The following DMXL1 variants were observed in gnomAD, a reference collection of about 807,000 sequenced individuals.
The protein encoded by DMXL1 is dmX-like protein 1.
A neutral mutation model predicts 319.2 loss-of-function variants in DMXL1; 99 were observed. That is an observed-to-expected ratio of 0.31 (90% CI 0.26 to 0.37). DMXL1 has a LOEUF of 0.37. Among genes scored for constraint, DMXL1 ranks in the 10% least tolerant of loss-of-function variants. The probability of loss-of-function intolerance (pLI) is 1.00; values close to 1 mark genes in which losing one functional copy is unlikely to be tolerated. For missense variants in DMXL1, 3,745 were observed against 3,595.6 expected (o/e 1.04, Z -1.06); for synonymous variants, 1,385 against 1,235.2 (o/e 1.12, Z -2.54).
rs936209341 is a variant in DMXL1 at position 119,155,840 on chromosome 5, A to C, written c.4702+3804A>C. The stretch of plus-strand genomic sequence containing the variant: ...AGACCCTGTCTCAAAAAAAAAAAAA[A>C]AAAACAAAACTTCAGCAGATGAGGA... On this transcript the variant is annotated intron_variant, in intron 19 of 43. Transcript: ENST00000539542. Among the ~76,000 whole-genome samples the C allele has an allele frequency of 1.8e-4, 27 of 151,868 alleles. 1 individual carries two copies. Among genetic ancestry groups the C allele is most frequent in the Non-Finnish European group, 3.1e-4 (21 of 67,972 alleles).
chr5:119,137,747 A>C (rs1282317967), intron 13 of DMXL1, among the ~76,000 whole-genome samples: 1 of 152,150 alleles, frequency 6.6e-6, no homozygotes, highest in Non-Finnish European at 1.5e-5. Flanking sequence ...CCATGATTGT[A>C]AGTTTCCTGA....
At chr5:119,120,283 A>G (rs931237549) in intron 8 of DMXL1, among the ~76,000 whole-genome samples, 7 of 152,244 alleles carry the variant, frequency 4.6e-5, no homozygotes, top group Non-Finnish European at 8.8e-5. Flanking sequence ...TTTGAATAGT[A>G]TTCTGATGCC....
chr5:119,186,631 G>A (rs1777769916), intron 28 of DMXL1, among the ~76,000 whole-genome samples: 1 of 152,164 alleles, frequency 6.6e-6, no homozygotes, highest in Admixed American at 6.5e-5. Context: ...CAATATATGT[G>A]TGTGGTAACA....
chr5:119,073,226 C>A (rs1580520225), intron 1 of DMXL1, among the ~76,000 whole-genome samples: 1 of 152,116 alleles, frequency 6.6e-6, no homozygotes, highest in African/African-American at 2.4e-5. Flanking sequence ...CCACGGCTGG[C>A]TAAGTTTTCT....
intron 28 of DMXL1, among the ~76,000 whole-genome samples, chr5:119,186,386 T>C (rs1427473495): frequency 6.6e-6 from 1 of 152,176 alleles, no homozygotes; most frequent in Non-Finnish European, 1.5e-5. Context: ...TCCTCCCAAG[T>C]GGCTGGGACT....
At chr5:119,237,262 AG>A in intron 39 of DMXL1, 59 bp from the exon 40 acceptor site, 1 of 1,026,812 alleles carries the variant, frequency 9.7e-7, no homozygotes, top group Non-Finnish European at 1.4e-6. Flanking sequence ...ACTGAGGGTA[AG>A]GATAAATATA....
rs1749502959 is a variant in DMXL1, at chr5:119,071,377, C to T, written c.-193C>T. 1 of 569,150 alleles carries T rather than the reference C, an allele frequency of 1.8e-6. No individual in the cohort carries two copies. Among genetic ancestry groups the T allele is most frequent in the Non-Finnish European group, 3.0e-6 (1 of 328,562 alleles). The allele number at this position is 569,150 out of a possible 1,614,324, so 35.3% of individuals were successfully genotyped here. A position where few individuals can be genotyped will look rare whatever the true frequency, so the allele number is the denominator to read the frequency against. On this transcript the variant is annotated 5_prime_UTR_variant, in exon 1 of 44. Transcript: ENST00000539542. ...CGCCCTCTCGCCGACCCGCCCCCTC[C>T]GGGCCTCGCCCTCCGGGGCTCGGGA...
At position 119,144,531 on chromosome 5, in the gene DMXL1, T is replaced by C; in HGVS notation, c.2467-5T>C. 6.3e-7 allele frequency: 1 copy of C among 1,588,828 alleles called. No individual in the cohort carries two copies. The highest frequency in any genetic ancestry group is 8.6e-7 in the Non-Finnish European group (1 of 1,167,686). On this transcript the variant is annotated splice_region_variant and splice_polypyrimidine_tract_variant and intron_variant, in intron 14 of 43. Transcript: ENST00000539542. ...CAACTTACGTTGATATTTATTTATATTCAGCATGGCAGAAAAACCCAACTG... is the reference window on the plus strand; with the variant it reads ...CAACTTACGTTGATATTTATTTATACTCAGCATGGCAGAAAAACCCAACTG...
At position 119,146,819 on chromosome 5, in the gene DMXL1, TATC is replaced by T; in HGVS notation, c.2570-15_2570-13del. On this transcript the variant is annotated splice_polypyrimidine_tract_variant and intron_variant, in intron 15 of 43. Coordinates refer to ENST00000539542, the MANE Select transcript of DMXL1 (RefSeq NM_001290321.3). ...TTTTACACATAGTAACAGTGAAAAATATCATTAATACCAACAGGCAGCTCACCT... is the reference window on the plus strand; with the variant it reads ...TTTTACACATAGTAACAGTGAAAAATATTAATACCAACAGGCAGCTCACCT... 1 of 1,602,320 alleles carries T rather than the reference TATC, an allele frequency of 6.2e-7. No homozygotes were observed. The highest frequency in any genetic ancestry group is 8.5e-7 in the Non-Finnish European group (1 of 1,175,022).
chr5:119,133,339 T>C lies in DMXL1; in HGVS notation c.1523T>C (p.Val508Ala). ...GATGGTTCTTTGCTAGTTTGGCATG[T>C]GGATTGGCTGGATGAATACCAGCCT... ...PMDGSLLVWH[V>A]DWLDEYQPGM... Residue 508 changes from valine (V) to alanine (A), a missense_variant, in exon 11 of 44, where the codon GTG (valine) becomes GCG (alanine). Coordinates refer to ENST00000539542, the MANE Select transcript of DMXL1 (RefSeq NM_001290321.3). 1 of 1,613,818 alleles carries C rather than the reference T, an allele frequency of 6.2e-7. No individual in the cohort carries two copies. Among genetic ancestry groups the C allele is most frequent in the Non-Finnish European group, 8.5e-7 (1 of 1,179,740 alleles).
intron 6 of DMXL1, among the ~76,000 whole-genome samples, chr5:119,115,809 T>G (rs1423329079): frequency 2.0e-5 from 3 of 152,210 alleles, no homozygotes; most frequent in Non-Finnish European, 4.4e-5. Flanking sequence ...TCTTCATAAG[T>G]CTGCTAGTGG....
intron 13 of DMXL1, among the ~76,000 whole-genome samples, chr5:119,137,276 A>G (rs1766222476): frequency 6.6e-6 from 1 of 152,230 alleles, no homozygotes. Flanking sequence ...TTTGGAACAG[A>G]ACATTTACCC....
chr5:119,209,022 C>G (rs1216672222), intron 34 of DMXL1, among the ~76,000 whole-genome samples: 2 of 152,120 alleles, frequency 1.3e-5, no homozygotes, highest in Non-Finnish European at 2.9e-5. Context: ...CAAGATTCAT[C>G]TATGTTGTGT....
At chr5:119,226,649 T>C (rs1363200828) in intron 38 of DMXL1, among the ~76,000 whole-genome samples, 1 of 152,150 alleles carries the variant, frequency 6.6e-6, no homozygotes, top group Non-Finnish European at 1.5e-5. Flanking sequence ...AATCATATCC[T>C]ACAGGTTAAG....
At chr5:119,232,276 G>C (rs1416014852) in intron 38 of DMXL1, among the ~76,000 whole-genome samples, 1 of 152,150 alleles carries the variant, frequency 6.6e-6, no homozygotes, top group African/African-American at 2.4e-5. Flanking sequence ...CAAATACCTA[G>C]TCTCAAAAAA....
intron 38 of DMXL1, among the ~76,000 whole-genome samples, chr5:119,227,316 T>A (rs1785775533): frequency 6.6e-6 from 1 of 152,222 alleles, no homozygotes; most frequent in African/African-American, 2.4e-5. Flanking sequence ...GTTGAAATCA[T>A]ACACTTGATA....
chr5:119,217,462 T>C (rs1783882739), intron 35 of DMXL1, among the ~76,000 whole-genome samples: 1 of 152,168 alleles, frequency 6.6e-6, no homozygotes, highest in Non-Finnish European at 1.5e-5. Context: ...TAGATGTCTA[T>C]ACACTCCTCA....
At chr5:119,142,123 A>G (rs893682236) in intron 13 of DMXL1, among the ~76,000 whole-genome samples, 3 of 152,214 alleles carry the variant, frequency 2.0e-5, no homozygotes, top group African/African-American at 7.2e-5. Flanking sequence ...AAAATGGATT[A>G]AAGACTTAAA....
intron 28 of DMXL1, among the ~76,000 whole-genome samples, chr5:119,185,173 T>C (rs1181024891): frequency 1.3e-5 from 2 of 152,074 alleles, no homozygotes; most frequent in African/African-American, 4.8e-5. Flanking sequence ...CCTTTCCCTC[T>C]ACTTCTTCCC....
Sources: gnomAD v4.1 joint callset for allele counts (sites outside exome capture counted in the v4.1 genomes callset) on GRCh38, gnomAD v4.1.1 for gene constraint, MANE v1.5 for transcripts, NCBI Gene and HGNC (gene_info 2026-07-23, HGNC 2026-07-21) for gene names.